Variants in ALX4 observed in about 807,000 individuals in gnomAD.
ALX4 encodes the protein ALX homeobox 4, also known as homeobox protein aristaless-like 4.
In ALX4, 22 loss-of-function variants were observed where a neutral mutation model predicts 40.6. That is an observed-to-expected ratio of 0.54 (90% CI 0.39 to 0.77). ALX4 has a LOEUF of 0.77. ALX4 is among the 30% of genes least tolerant of loss of function. ALX4 has a pLI of 0.00. For synonymous variants in ALX4, 266 were observed against 240.5 expected, an observed-to-expected ratio of 1.11 and a Z score of -0.98; for missense variants, 556 against 564.8, an observed-to-expected ratio of 0.98 and a Z score of 0.16.
At chr11:44,299,438 G>A (rs916539755) in intron 1 of ALX4, among the ~76,000 whole-genome samples, 14 of 143,740 alleles carry the variant, frequency 9.7e-5, no homozygotes, top group Non-Finnish European at 1.5e-4. Context: ...TCGGCTCACT[G>A]CAAGCTCCGC....
At chr11:44,292,377 A>ATT in intron 1 of ALX4, among the ~76,000 whole-genome samples, 1 of 93,114 alleles carries the variant, frequency 1.1e-5, no homozygotes, top group African/African-American at 4.1e-5. Context: ...GGCTAATTAA[A>ATT]TTTTTTTTTT....
intron 1 of ALX4, among the ~76,000 whole-genome samples, chr11:44,301,487 T>C (rs1197035753): frequency 6.6e-6 from 1 of 152,212 alleles, no homozygotes; most frequent in Non-Finnish European, 1.5e-5. Flanking sequence ...GTCAGGTCCC[T>C]GCAATCCCAC....
intron 1 of ALX4, among the ~76,000 whole-genome samples, chr11:44,290,584 T>G (rs1233851824): frequency 6.6e-6 from 1 of 152,224 alleles, no homozygotes; most frequent in Non-Finnish European, 1.5e-5. Flanking sequence ...GGAGGTGTTT[T>G]GAAGCAGCAA....
rs759346076 is a variant in ALX4, at chr11:44,309,771, G to T, written c.292C>A (p.Gln98Lys). ...TGCGGCTGCGGCGGCGGCTGGGGCT[G>T]CGGGGTCGACGGCTGGGGCTGGAAC... ...NKFQPQPSTP[Q>K]PQPPPQPQPQ... The change falls in exon 1 of 4, where the codon CAG becomes AAG. Residue 98 changes from glutamine to lysine, a missense_variant. Gln to Lys is a moderately conservative substitution (Grantham distance 53). Transcript: ENST00000652299. 45 of 1,546,508 alleles carry T rather than the reference G, an allele frequency of 2.9e-5. No homozygotes were observed. Among genetic ancestry groups the T allele is most frequent in the Middle Eastern group, 3.9e-4 (2 of 5,140 alleles).
rs1266111864 is a variant in ALX4 at position 44,261,240 on chromosome 11, AT to A, written c.*3613del. The A allele has an allele frequency of 6.6e-6, 1 of 152,254 alleles. No individual in the cohort carries two copies. Among genetic ancestry groups the A allele is most frequent in the Non-Finnish European group, 1.5e-5 (1 of 68,096 alleles). The allele number at this position is 152,254 out of a possible 1,614,324, so 9.4% of individuals were successfully genotyped here. A position where few individuals can be genotyped will look rare whatever the true frequency, so the allele number is the denominator to read the frequency against. The stretch of plus-strand genomic sequence containing the variant: ...CCGCGTGTCTTTCAGGTTCTCGAAG[AT>A]GGCCCCCCACTGTCTAGCCCAGGGA... On this transcript the variant is annotated 3_prime_UTR_variant, in exon 4 of 4. Transcript: ENST00000652299.
chr11:44,269,729 C>T (rs1039050036), intron 2 of ALX4, among the ~76,000 whole-genome samples: 2 of 152,214 alleles, frequency 1.3e-5, no homozygotes, highest in African/African-American at 4.8e-5. Context: ...ATGGGGTCTC[C>T]TCTCTGTGCT....
intron 1 of ALX4, among the ~76,000 whole-genome samples, chr11:44,299,535 T>C (rs1259295577): frequency 2.0e-5 from 3 of 152,062 alleles, no homozygotes; most frequent in African/African-American, 7.2e-5. Context: ...TAATTTTTTG[T>C]ATTTTTGGTA....
chr11:44,299,654 C>G (rs917313458), intron 1 of ALX4, among the ~76,000 whole-genome samples: 1 of 152,112 alleles, frequency 6.6e-6, no homozygotes, highest in Non-Finnish European at 1.5e-5. Context: ...GCCACTGCAC[C>G]GTGCCCTGGG....
intron 1 of ALX4, among the ~76,000 whole-genome samples, chr11:44,287,568 C>T (rs1196175995): frequency 2.0e-5 from 3 of 149,474 alleles, no homozygotes; most frequent in East Asian, 3.9e-4. Context: ...TCCATCTAGC[C>T]TGGGTGACAG....
Position 44,265,822 on chromosome 11 carries a change from G to A in ALX4, c.907-639C>T, listed in dbSNP as rs1045896439. Reference sequence around the variant, plus strand: ...GCCAGATCTGAGACCGGACCTCCTCGTGCCAAAGGGGCGAGGGCATGTGCA... The same window carrying A: ...GCCAGATCTGAGACCGGACCTCCTCATGCCAAAGGGGCGAGGGCATGTGCA... On this transcript the variant is annotated intron_variant, in intron 3 of 3. Transcript: ENST00000652299. Among the ~76,000 whole-genome samples, 6 of 152,236 alleles carry A rather than the reference G, an allele frequency of 3.9e-5. No homozygotes were observed. In the East Asian group the frequency reaches 5.8e-4, roughly 15 times the overall value.
chr11:44,279,976 G>T (rs1481667241), intron 1 of ALX4, among the ~76,000 whole-genome samples: 1 of 152,162 alleles, frequency 6.6e-6, no homozygotes, highest in East Asian at 1.9e-4. Context: ...CTCTGTCCAG[G>T]TATCTGTGTG....
At position 44,275,499 on chromosome 11, in the gene ALX4, C is replaced by T; in HGVS notation, c.626G>A (p.Ser209Asn). The stretch of plus-strand genomic sequence containing the variant: ...GTTCCGCCGCTTCTTGCCCTTGTTG[C>T]TCTCTGAGTCGGCCTTCTCCAATGG... ...PSPLEKADSE[S>N]NKGKKRRNRT... Residue 209 changes from serine to asparagine, a missense_variant, in exon 2 of 4, where the codon AGC (serine) becomes AAC (asparagine). Physicochemically the swap from Ser to Asn is conservative, Grantham distance 46. Coordinates refer to ENST00000652299, the MANE Select transcript of ALX4 (RefSeq NM_021926.4). 6.2e-7 allele frequency: 1 copy of T among 1,614,074 alleles called. No individual in the cohort carries two copies. Among genetic ancestry groups the T allele is most frequent in the Non-Finnish European group, 8.5e-7 (1 of 1,179,908 alleles).
chr11:44,264,744 CT>C lies in ALX4; in HGVS notation c.*109del. On this transcript the variant is annotated 3_prime_UTR_variant, in exon 4 of 4. Coordinates refer to ENST00000652299, the MANE Select transcript of ALX4 (RefSeq NM_021926.4). ...GCTGAAAGTGCTGAGGGTCAGGCCC[CT>C]GGCCCAGGCCAGGTTCCTAAGAGGA... 1 of 1,304,118 alleles carries C rather than the reference CT, an allele frequency of 7.7e-7. No homozygotes were observed. The highest frequency in any genetic ancestry group is 1.4e-5 in the South Asian group (1 of 73,552). The allele number at this position is 1,304,118 out of a possible 1,614,324, so 80.8% of individuals were successfully genotyped here. A position where few individuals can be genotyped will look rare whatever the true frequency, so the allele number is the denominator to read the frequency against.
chr11:44,305,773 C>T (rs1395458315), intron 1 of ALX4, among the ~76,000 whole-genome samples: 1 of 152,246 alleles, frequency 6.6e-6, no homozygotes, highest in Non-Finnish European at 1.5e-5. Context: ...GCGCTGAGAG[C>T]GCTGCTTTTG....
chr11:44,299,448 C>T (rs917346085), intron 1 of ALX4, among the ~76,000 whole-genome samples: 2 of 150,960 alleles, frequency 1.3e-5, no homozygotes, highest in Non-Finnish European at 2.9e-5. Flanking sequence ...GCAAGCTCCG[C>T]CTCCCGGGTT....
At chr11:44,306,214 G>C (rs1459811121) in intron 1 of ALX4, among the ~76,000 whole-genome samples, 2 of 152,238 alleles carry the variant, frequency 1.3e-5, no homozygotes, top group African/African-American at 2.4e-5. Flanking sequence ...AGGACACTGC[G>C]GAGCCGCCTT....
chr11:44,265,223 G>A, intron 3 of ALX4, 40 bp from the exon 4 acceptor site: 1 of 1,550,884 alleles, frequency 6.4e-7, no homozygotes, highest in Non-Finnish European at 8.7e-7. Flanking sequence ...CTGGCGGGCA[G>A]GTGTGGTGTG....
At chr11:44,290,480 C>T (rs1328811007) in intron 1 of ALX4, among the ~76,000 whole-genome samples, 2 of 152,230 alleles carry the variant, frequency 1.3e-5, no homozygotes, top group Non-Finnish European at 2.9e-5. Context: ...TCAAATGGCT[C>T]GCCTCAGTGA....
intron 1 of ALX4, among the ~76,000 whole-genome samples, chr11:44,286,956 G>A (rs1034339454): frequency 6.6e-6 from 1 of 152,232 alleles, no homozygotes; most frequent in African/African-American, 2.4e-5. Flanking sequence ...CAGAGAGGGT[G>A]GCGCACAGTG....
Sources: allele counts gnomAD v4.1 joint callset (sites outside exome capture counted in the v4.1 genomes callset), GRCh38; gene constraint gnomAD v4.1.1; transcripts MANE v1.5; gene names NCBI Gene and HGNC (gene_info 2026-07-23, HGNC 2026-07-21).